The following FGF12 variants were observed in gnomAD, a reference collection of about 807,000 sequenced individuals.
The protein encoded by FGF12 is fibroblast growth factor 12.
In FGF12, 14 loss-of-function variants were observed where a neutral mutation model predicts 23.6. The observed-to-expected ratio is 0.59, with a 90% confidence interval of 0.39 to 0.93. The LOEUF (loss-of-function observed/expected upper bound fraction) is 0.93. Among genes scored for constraint, FGF12 ranks in the 40% least tolerant of loss-of-function variants. The pLI, the probability that FGF12 is intolerant of heterozygous loss-of-function variation, is 0.00. For missense variants in FGF12, 175 were observed against 217.8 expected (o/e 0.80, Z 1.24); for synonymous variants, 62 against 77.3 (o/e 0.80, Z 1.04).
At chr3:192,275,272 C>G (rs1413344738) in intron 4 of FGF12, among the ~76,000 whole-genome samples, 1 of 151,376 alleles carries the variant, frequency 6.6e-6, no homozygotes, top group Non-Finnish European at 1.5e-5. Flanking sequence ...TCAGGAGAGA[C>G]TCACATCCCC....
At chr3:192,684,429 T>C (rs562128629) in intron 2 of FGF12, among the ~76,000 whole-genome samples, 2 of 152,290 alleles carry the variant, frequency 1.3e-5, no homozygotes, top group African/African-American at 4.8e-5. Flanking sequence ...GGTTTGTTTT[T>C]TTTTCATTTG....
chr3:192,365,170 T>C (rs1718917492), intron 2 of FGF12, among the ~76,000 whole-genome samples: 1 of 152,092 alleles, frequency 6.6e-6, no homozygotes, highest in African/African-American at 2.4e-5. Context: ...TTGATGTGAT[T>C]ACTATGCATC....
chr3:192,537,769 C>T lies in FGF12; in HGVS notation c.14-177231G>A, dbSNP rs116595749. Among the ~76,000 whole-genome samples the T allele has an allele frequency of 2.9e-3, 448 of 152,164 alleles. 3 individuals carry two copies. Among genetic ancestry groups the T allele is most frequent in the African/African-American group, 0.011 (442 of 41,508 alleles). ...TGTCTCTTCACTTTGTTGATTGTAT[C>T]CTTCACTTTGCAGAAGGTTTTTAAC... On this transcript the variant is annotated intron_variant, in intron 2 of 5. Coordinates refer to ENST00000445105, the MANE Select transcript of FGF12 (RefSeq NM_004113.6).
intron 2 of FGF12, among the ~76,000 whole-genome samples, chr3:192,714,694 A>G (rs947476856): frequency 6.6e-5 from 10 of 151,416 alleles, no homozygotes; most frequent in African/African-American, 1.9e-4. Context: ...AATTTTTTGT[A>G]TTTTTAGTAG....
chr3:192,408,379 T>C lies in FGF12; in HGVS notation c.14-47841A>G. On this transcript the variant is annotated intron_variant, in intron 2 of 5. Transcript: ENST00000445105. The surrounding 1 kb of genome is among the most constrained non-coding windows in gnomAD (Gnocchi z 7.3). ...GGCTGCAGTATCGAAAACCCGGCGC[T>C]CACAAGGTTAGTCAAAGTCTGGGCA... 7.1e-7 allele frequency: 1 copy of C among 1,418,298 alleles called. No homozygotes were observed. The highest frequency in any genetic ancestry group is 9.2e-7 in the Non-Finnish European group (1 of 1,090,408). 87.9% of individuals were successfully genotyped at this position (1,418,298 alleles called of 1,614,324 possible). A position where few individuals can be genotyped will look rare whatever the true frequency, so the allele number is the denominator to read the frequency against.
rs563284229 is a variant in FGF12, at chr3:192,617,101, G to C, written c.13+110080C>G. Among the ~76,000 whole-genome samples, 77 of 152,112 alleles carry C rather than the reference G, an allele frequency of 5.1e-4. No homozygotes were observed. The East Asian group carries it at 8.7e-3, about 17-fold the overall frequency. On this transcript the variant is annotated intron_variant, in intron 2 of 5. Transcript: ENST00000445105. ...GTACAATAGAAATGAATACGGGCTG[G>C]TCCAGTTAAATCCAGAAGGAATTCA...
chr3:192,613,830 C>CT (rs951248989), intron 2 of FGF12, among the ~76,000 whole-genome samples: 13 of 151,298 alleles, frequency 8.6e-5, no homozygotes, highest in African/African-American at 1.5e-4. Context: ...AAAATGCAAA[C>CT]TTTTTTTTTC....
At chr3:192,435,639 T>G (rs1188068938) in intron 2 of FGF12, among the ~76,000 whole-genome samples, 1 of 152,196 alleles carries the variant, frequency 6.6e-6, no homozygotes, top group Non-Finnish European at 1.5e-5. Flanking sequence ...CCTAGTAACT[T>G]CCTTAGGTCT....
intron 2 of FGF12, among the ~76,000 whole-genome samples, chr3:192,419,900 A>C (rs954506785): frequency 5.3e-5 from 8 of 152,202 alleles, no homozygotes; most frequent in Non-Finnish European, 4.4e-5. Flanking sequence ...TGATTAAATA[A>C]GTAGATTTTT....
chr3:192,561,599 T>G (rs1412703818), intron 2 of FGF12, among the ~76,000 whole-genome samples: 12 of 152,140 alleles, frequency 7.9e-5, no homozygotes, highest in African/African-American at 2.7e-4. Context: ...CCTGACCTTG[T>G]GATCCGCCCG....
Position 192,612,226 on chromosome 3 carries a change from A to G in FGF12, c.13+114955T>C, listed in dbSNP as rs144071136. 3.2e-3 allele frequency among the ~76,000 whole-genome samples: 493 copies of G among 151,850 alleles called. 3 individuals are homozygous for G. The highest frequency in any genetic ancestry group is 0.011 in the African/African-American group (472 of 41,440). On this transcript the variant is annotated intron_variant, in intron 2 of 5. Transcript: ENST00000445105. ...AAGTATCCTCTGCTTTCCTTCTATG[A>G]CCCTGGACTTTGGGTGCTCCTATCT...
At chr3:192,557,535 AAG>A (rs749098299) in intron 2 of FGF12, among the ~76,000 whole-genome samples, 101 of 152,056 alleles carry the variant, frequency 6.6e-4, no homozygotes, top group Non-Finnish European at 1.1e-3. Flanking sequence ...TAGAAAATTG[AAG>A]AGAGGGGAAC....
At chr3:192,571,095 A>G in intron 2 of FGF12, among the ~76,000 whole-genome samples, 1 of 152,138 alleles carries the variant, frequency 6.6e-6, no homozygotes, top group Non-Finnish European at 1.5e-5. Context: ...GAAAAAACAA[A>G]CCTTATTAGC....
At chr3:192,155,385 T>C (rs980955466) in intron 5 of FGF12, among the ~76,000 whole-genome samples, 1 of 152,234 alleles carries the variant, frequency 6.6e-6, no homozygotes, top group Non-Finnish European at 1.5e-5. Flanking sequence ...AATCACAATT[T>C]CGTAGGAATA....
chr3:192,623,724 A>G (rs62293025), intron 2 of FGF12, among the ~76,000 whole-genome samples: 3,718 of 152,258 alleles, frequency 0.024, 162 homozygotes, highest in East Asian at 0.17. Flanking sequence ...CAGAAGGAGG[A>G]GAGGCTGTAA....
intron 2 of FGF12, among the ~76,000 whole-genome samples, chr3:192,567,197 G>A (rs942380840): frequency 6.6e-6 from 1 of 152,126 alleles, no homozygotes; most frequent in Admixed American, 6.5e-5. Context: ...AAACTTTGTC[G>A]TTGTTTCTTT....
rs184874929 is a variant in FGF12 at position 192,205,879 on chromosome 3, C to T, written c.229-35223G>A. Among the ~76,000 whole-genome samples, 18 of 152,216 alleles carry T rather than the reference C, an allele frequency of 1.2e-4. No homozygotes were observed. The East Asian group carries it at 1.4e-3, about 11-fold the overall frequency. On this transcript the variant is annotated intron_variant, in intron 4 of 5. Transcript: ENST00000445105. ...GACACAGAAGAAGACCTCTGGATTC[C>T]GCATGGCTATGCATATTGAAGGTCC... is the stretch of plus-strand genomic sequence containing the variant.
intron 2 of FGF12, among the ~76,000 whole-genome samples, chr3:192,464,531 TG>T (rs1722954676): frequency 6.6e-6 from 1 of 151,766 alleles, no homozygotes; most frequent in East Asian, 1.9e-4. Flanking sequence ...TGTGTGTGTG[TG>T]TGTGTGTGTG....
chr3:192,266,235 T>G (rs1464293744), intron 4 of FGF12, among the ~76,000 whole-genome samples: 1 of 152,188 alleles, frequency 6.6e-6, no homozygotes, highest in Non-Finnish European at 1.5e-5. Context: ...CAATCTACCT[T>G]GTACTTTGGT....
Sources: allele counts gnomAD v4.1 joint callset (sites outside exome capture counted in the v4.1 genomes callset), GRCh38; gene constraint gnomAD v4.1.1; non-coding constraint Gnocchi (gnomAD v3.1); transcripts MANE v1.5; gene names NCBI Gene and HGNC (gene_info 2026-07-23, HGNC 2026-07-21).